Variants in PIP5K1B observed in about 807,000 individuals in gnomAD.
PIP5K1B encodes phosphatidylinositol-4-phosphate 5-kinase type 1 beta, also known as phosphatidylinositol 4-phosphate 5-kinase type-1 beta.
In PIP5K1B, 42 loss-of-function variants were observed where a neutral mutation model predicts 67.0. That is an observed-to-expected ratio of 0.63 (90% CI 0.49 to 0.81). The LOEUF (loss-of-function observed/expected upper bound fraction) is 0.81. Ranked by LOEUF, PIP5K1B falls within the 30% of genes least tolerant of loss-of-function variation. The pLI, the probability that PIP5K1B is intolerant of heterozygous loss-of-function variation, is 0.00. For missense variants in PIP5K1B, 459 were observed against 646.3 expected (o/e 0.71, Z 3.14); for synonymous variants, 214 against 231.4 (o/e 0.92, Z 0.68).
At chr9:68,780,282 C>G (rs1262337283) in intron 2 of PIP5K1B, 3 of 1,587,780 alleles carry the variant, frequency 1.9e-6, no homozygotes, top group Admixed American at 1.8e-5. Context: ...CAGCGCCCCC[C>G]TGATCCACGG....
intron 2 of PIP5K1B, among the ~76,000 whole-genome samples, chr9:68,815,002 G>A (rs563549003): frequency 1.6e-4 from 24 of 152,016 alleles, no homozygotes; most frequent in South Asian, 8.3e-4. Flanking sequence ...ATGAATTTGC[G>A]GAGAAAAGCT....
chr9:68,916,422 G>C (rs904694779), intron 8 of PIP5K1B, among the ~76,000 whole-genome samples: 1 of 152,138 alleles, frequency 6.6e-6, no homozygotes, highest in South Asian at 2.1e-4. Flanking sequence ...TCTTTTCAGA[G>C]CATTGCCATC....
At chr9:68,833,063 G>T (rs1158138668) in intron 4 of PIP5K1B, among the ~76,000 whole-genome samples, 1 of 152,206 alleles carries the variant, frequency 6.6e-6, no homozygotes, top group African/African-American at 2.4e-5. Context: ...ATGGTGCTAG[G>T]CCTTAAGGGG....
chr9:68,930,160 C>T (rs189342362), intron 12 of PIP5K1B, among the ~76,000 whole-genome samples: 149 of 152,270 alleles, frequency 9.8e-4, no homozygotes, highest in Non-Finnish European at 1.6e-3. Context: ...CCTCAGGGTC[C>T]AGGCTCTGAC....
chr9:68,897,216 C>T (rs981764646), intron 8 of PIP5K1B, among the ~76,000 whole-genome samples: 2 of 152,160 alleles, frequency 1.3e-5, no homozygotes, highest in African/African-American at 2.4e-5. Context: ...GCTCTAGAAA[C>T]AAACCAGTTA....
At chr9:68,963,783 A>G (rs1013237553) in intron 14 of PIP5K1B, among the ~76,000 whole-genome samples, 2 of 152,168 alleles carry the variant, frequency 1.3e-5, no homozygotes, top group African/African-American at 4.8e-5. Context: ...TCACACAGCT[A>G]TTACACTTTA....
intron 4 of PIP5K1B, among the ~76,000 whole-genome samples, chr9:68,859,247 A>T (rs1822934605): frequency 6.6e-6 from 1 of 152,184 alleles, no homozygotes; most frequent in South Asian, 2.1e-4. Context: ...ATATTACCCA[A>T]ATGCAAGCTG....
At chr9:68,985,868 T>C (rs1830075507) in intron 14 of PIP5K1B, among the ~76,000 whole-genome samples, 1 of 152,272 alleles carries the variant, frequency 6.6e-6, no homozygotes, top group Admixed American at 6.5e-5. Context: ...ATGTAATATG[T>C]GGTCCTCTAT....
At chr9:68,970,671 A>C (rs753310127) in intron 14 of PIP5K1B, among the ~76,000 whole-genome samples, 9 of 152,206 alleles carry the variant, frequency 5.9e-5, no homozygotes, top group Non-Finnish European at 1.2e-4. Context: ...GCTTTCAAAA[A>C]TCATGTTCAT....
intron 2 of PIP5K1B, among the ~76,000 whole-genome samples, chr9:68,746,038 G>A (rs1829283706): frequency 7.0e-6 from 1 of 143,842 alleles, no homozygotes; most frequent in Admixed American, 6.9e-5. Context: ...TGTTTAAGCT[G>A]TTCTTTCCCC....
At chr9:68,932,114 C>A (rs1305436459) in intron 12 of PIP5K1B, among the ~76,000 whole-genome samples, 1 of 152,180 alleles carries the variant, frequency 6.6e-6, no homozygotes, top group Non-Finnish European at 1.5e-5. Flanking sequence ...AGTCTTTTGG[C>A]CCTCACTCCA....
At chr9:68,797,906 T>C (rs1233824282) in intron 2 of PIP5K1B, among the ~76,000 whole-genome samples, 1 of 152,168 alleles carries the variant, frequency 6.6e-6, no homozygotes, top group Non-Finnish European at 1.5e-5. Context: ...AGATTTATAG[T>C]GGAAAGGAAC....
chr9:68,932,101 T>C (rs1827032588), intron 12 of PIP5K1B, among the ~76,000 whole-genome samples: 1 of 152,170 alleles, frequency 6.6e-6, no homozygotes, highest in Non-Finnish European at 1.5e-5. Flanking sequence ...TACTTCTTTT[T>C]CCAGTCTTTT....
chr9:68,840,244 G>C (rs1220989736), intron 4 of PIP5K1B, among the ~76,000 whole-genome samples: 1 of 152,126 alleles, frequency 6.6e-6, no homozygotes, highest in Non-Finnish European at 1.5e-5. Flanking sequence ...GGGCATGGTG[G>C]CGCATGCCTG....
rs758747465 is a variant in PIP5K1B, at chr9:68,935,076, A to G, written c.1357+31A>G. On this transcript the variant is annotated intron_variant, in intron 13 of 15. Transcript: ENST00000265382. ...GATATGTAACTTTTTTAAAAAGACAAACGTTCTTGTGATTTATTTATACAA... is the reference window on the plus strand; with the variant it reads ...GATATGTAACTTTTTTAAAAAGACAGACGTTCTTGTGATTTATTTATACAA... 27 of 1,585,792 alleles carry G rather than the reference A, an allele frequency of 1.7e-5. No individual in the cohort carries two copies. In the South Asian group the frequency reaches 2.6e-4, roughly 15 times the overall value.
At position 68,894,632 on chromosome 9, in the gene PIP5K1B, C is replaced by CT. The variant is rs1324318284; in HGVS notation, c.766dup (p.Cys256LeufsTer13). ...CGCTTATGAAAACACTTCAGAGAGA[C>CT]TGCCGGGTAAGGAAGTTTGATTGTT... is the stretch of plus-strand genomic sequence containing the variant. On this transcript the variant is annotated frameshift_variant, in exon 8 of 16. Coordinates refer to ENST00000265382, the MANE Select transcript of PIP5K1B (RefSeq NM_003558.4). LOFTEE classifies it high-confidence loss of function. 1 of 1,613,368 alleles carries CT rather than the reference C, an allele frequency of 6.2e-7. No individual in the cohort carries two copies. The highest frequency in any genetic ancestry group is 8.5e-7 in the Non-Finnish European group (1 of 1,179,408).
At chr9:68,935,188 C>A in intron 13 of PIP5K1B, 143 bp downstream of exon 13, 1 of 678,350 alleles carries the variant, frequency 1.5e-6, no homozygotes. Flanking sequence ...CTGCAGTGGC[C>A]GGGCGCAGTG....
chr9:68,986,417 C>A (rs1039006329), intron 14 of PIP5K1B, among the ~76,000 whole-genome samples: 2 of 152,210 alleles, frequency 1.3e-5, no homozygotes, highest in African/African-American at 4.8e-5. Flanking sequence ...ATTCTTTGCT[C>A]ATTTTTAAAT....
At chr9:68,825,336 A>AAAAG (rs2132082848) in intron 4 of PIP5K1B, among the ~76,000 whole-genome samples, 1 of 152,294 alleles carries the variant, frequency 6.6e-6, no homozygotes, top group South Asian at 2.1e-4. Context: ...TGGTCTCGAA[A>AAAAG]ACTGGCAATT....
Sources: allele counts gnomAD v4.1 joint callset (sites outside exome capture counted in the v4.1 genomes callset), GRCh38; gene constraint gnomAD v4.1.1; transcripts MANE v1.5; gene names NCBI Gene and HGNC (gene_info 2026-07-23, HGNC 2026-07-21).